RAB19: variants seen among roughly 807,000 people sequenced by gnomAD.
RAB19 encodes RAB19, member RAS oncogene family.
In RAB19, 21 loss-of-function variants were observed where a neutral mutation model predicts 17.3. That is an observed-to-expected ratio of 1.21 (90% CI 0.86 to 1.74). RAB19 has a LOEUF of 1.74. RAB19 is among the 40% of genes most tolerant of loss of function. The pLI is 0.00. For missense variants in RAB19, 277 were observed against 286.8 expected (o/e 0.97, Z 0.25); for synonymous variants, 126 against 110.4 (o/e 1.14, Z -0.88).
At chr7:140,422,539 A>G (rs80274100) in intron 3 of RAB19, among the ~76,000 whole-genome samples, 33,122 of 151,906 alleles carry the variant, frequency 0.22, 4,276 homozygotes, top group Non-Finnish European at 0.3. Context: ...CAATATTACA[A>G]TGGTTTATGG....
intron 2 of RAB19, chr7:140,411,023 G>C: frequency 7.3e-7 from 1 of 1,367,784 alleles, no homozygotes; most frequent in Non-Finnish European, 9.8e-7. Context: ...TCCACGGGCA[G>C]ACTCAAAAGA....
At chr7:140,410,892 G>A in intron 2 of RAB19, 1 of 1,359,952 alleles carries the variant, frequency 7.4e-7, no homozygotes, top group Admixed American at 1.9e-5. Context: ...AATTGGTGCT[G>A]CCGCTTGGGT....
At chr7:140,423,647 T>C (rs1799600519) in intron 3 of RAB19, among the ~76,000 whole-genome samples, 1 of 152,104 alleles carries the variant, frequency 6.6e-6, no homozygotes, top group South Asian at 2.1e-4. Context: ...CTAGAATAGA[T>C]TGGTGGTTAG....
In RAB19 at chr7:140,407,685, C is replaced by CT. The variant is rs1397029820; in HGVS notation, c.42dup (p.Asp15Ter). The stretch of plus-strand genomic sequence containing the variant: ...GCTCAGCCAGGGCAGCAGATGAGAA[C>CT]TTTGACTATTTGTTCAAGATTATCC... On this transcript the variant is annotated frameshift_variant, in exon 2 of 4. Transcript: ENST00000537763. LOFTEE classifies it high-confidence loss of function. 4 of 1,614,106 alleles carry CT rather than the reference C, an allele frequency of 2.5e-6. No individual in the cohort carries two copies. The highest frequency in any genetic ancestry group is 3.3e-5 in the Admixed American group (2 of 60,016).
At chr7:140,407,443 A>G in intron 1 of RAB19, 181 bp from the exon 2 acceptor site, 1 of 562,984 alleles carries the variant, frequency 1.8e-6, no homozygotes, top group Non-Finnish European at 3.2e-6. Flanking sequence ...GCACCCCTAA[A>G]GTAAGATCAA....
intron 3 of RAB19, among the ~76,000 whole-genome samples, chr7:140,419,102 CTCT>C: frequency 7.4e-6 from 1 of 135,986 alleles, no homozygotes; most frequent in African/African-American, 2.8e-5. Flanking sequence ...TGGAGTCTCA[CTCT>C]GTTGCCCAGG....
At chr7:140,416,507 G>A (rs184364014) in intron 3 of RAB19, among the ~76,000 whole-genome samples, 10 of 152,258 alleles carry the variant, frequency 6.6e-5, no homozygotes, top group Admixed American at 5.2e-4. Context: ...GCAGCTCACC[G>A]GGTCCATAGC....
At chr7:140,424,067 A>T (rs1329527037) in intron 3 of RAB19, among the ~76,000 whole-genome samples, 1 of 150,656 alleles carries the variant, frequency 6.6e-6, no homozygotes, top group African/African-American at 2.4e-5. Flanking sequence ...GTTGGCTGGG[A>T]TGGTCTCAAA....
chr7:140,417,071 C>CAAAA, intron 3 of RAB19, among the ~76,000 whole-genome samples: 1 of 136,240 alleles, frequency 7.3e-6, no homozygotes, highest in Non-Finnish European at 1.6e-5. Context: ...ACTAAAAATA[C>CAAAA]AAAAAAAAAA....
Position 140,426,070 on chromosome 7 carries a change from G to A in RAB19, c.574G>A (p.Ala192Thr). The change falls in exon 4 of 4, where the codon GCC becomes ACC. Residue 192 changes from alanine to threonine, a missense_variant. Coordinates refer to ENST00000537763, the MANE Select transcript of RAB19 (RefSeq NM_001008749.3). ...RNSLHLYGES[A>T]LNGLPLDSSP... ...CAGCCTGCACCTATATGGGGAGAGT[G>A]CCCTGAACGGCCTCCCCCTGGACTC... is the stretch of plus-strand genomic sequence containing the variant. 6.2e-7 allele frequency: 1 copy of A among 1,614,160 alleles called. No homozygotes were observed. Among genetic ancestry groups the A allele is most frequent in the South Asian group, 1.1e-5 (1 of 91,080 alleles).
chr7:140,406,892 G>GT (rs200062741), intron 1 of RAB19, among the ~76,000 whole-genome samples: 10,829 of 146,490 alleles, frequency 0.074, 719 homozygotes, highest in East Asian at 0.19. Flanking sequence ...TTTTTTGGGT[G>GT]TTTTTTTTTT....
At chr7:140,413,056 G>A (rs1240758732) in intron 3 of RAB19, among the ~76,000 whole-genome samples, 1 of 152,082 alleles carries the variant, frequency 6.6e-6, no homozygotes, top group Non-Finnish European at 1.5e-5. Context: ...AGCCCAGCAG[G>A]CAGAGGTTAC....
intron 2 of RAB19, among the ~76,000 whole-genome samples, chr7:140,408,897 C>T (rs1327548318): frequency 6.6e-6 from 1 of 151,900 alleles, no homozygotes; most frequent in Non-Finnish European, 1.5e-5. Flanking sequence ...TAGCTGGGAC[C>T]ACAGGTGCAC....
chr7:140,408,905 C>T (rs899993701), intron 2 of RAB19, among the ~76,000 whole-genome samples: 1 of 152,180 alleles, frequency 6.6e-6, no homozygotes, highest in Non-Finnish European at 1.5e-5. Flanking sequence ...ACCACAGGTG[C>T]ACCCCACCAT....
At chr7:140,411,788 C>G (rs1799367207) in intron 2 of RAB19, 86 bp from the exon 3 acceptor site, 1 of 1,608,210 alleles carries the variant, frequency 6.2e-7, no homozygotes, top group Non-Finnish European at 8.5e-7. Context: ...ACCCAGAAAA[C>G]TGTGTTTTTA....
At chr7:140,424,663 G>GTATATATATATA (rs36042630) in intron 3 of RAB19, among the ~76,000 whole-genome samples, 5 of 117,728 alleles carry the variant, frequency 4.2e-5, no homozygotes, top group African/African-American at 1.8e-4. Flanking sequence ...ATATGTGTGT[G>GTATATATATATA]TATATATATA....
chr7:140,405,887 T>G (rs910848061), intron 1 of RAB19, among the ~76,000 whole-genome samples: 4 of 152,184 alleles, frequency 2.6e-5, no homozygotes, highest in Non-Finnish European at 4.4e-5. Context: ...AATATATTTT[T>G]TCAATGATAT....
intron 3 of RAB19, among the ~76,000 whole-genome samples, chr7:140,415,908 A>G (rs1356774356): frequency 1.3e-5 from 2 of 151,910 alleles, no homozygotes; most frequent in Admixed American, 6.6e-5. Context: ...CTGTCTCAAA[A>G]AAAAAAAATT....
chr7:140,406,478 A>G (rs1563067903), intron 1 of RAB19, among the ~76,000 whole-genome samples: 1 of 151,612 alleles, frequency 6.6e-6, no homozygotes, highest in South Asian at 2.1e-4. Context: ...CGTCTCTACT[A>G]AAAATACAAA....
Sources: allele counts gnomAD v4.1 joint callset (sites outside exome capture counted in the v4.1 genomes callset), GRCh38; gene constraint gnomAD v4.1.1; transcripts MANE v1.5; gene names NCBI Gene and HGNC (gene_info 2026-07-23, HGNC 2026-07-21).